The following TRMT1L variants were observed in gnomAD, a reference collection of about 807,000 sequenced individuals.
The protein encoded by TRMT1L is tRNA methyltransferase 1L, also known as tRNA (guanine(27)-N(2))-dimethyltransferase.
In TRMT1L, 28 loss-of-function variants were observed where a neutral mutation model predicts 81.6. That is an observed-to-expected ratio of 0.34 (90% CI 0.25 to 0.47). The LOEUF (loss-of-function observed/expected upper bound fraction) is 0.47. TRMT1L is among the 20% of genes least tolerant of loss of function. TRMT1L has a pLI of 1.00. For missense variants in TRMT1L, 739 were observed against 877.1 expected, an observed-to-expected ratio of 0.84 and a Z score of 1.99; for synonymous variants, 301 against 303.2, an observed-to-expected ratio of 0.99 and a Z score of 0.07.
At chr1:185,151,101 A>T (rs1358686930) in intron 2 of TRMT1L, among the ~76,000 whole-genome samples, 4 of 152,234 alleles carry the variant, frequency 2.6e-5, no homozygotes, top group African/African-American at 9.6e-5. Context: ...TATCATAAAA[A>T]TGTCTTATTT....
Position 185,120,032 on chromosome 1 carries a change from C to T in TRMT1L, c.2189G>A (p.Cys730Tyr). The change falls in exon 15 of 15, where the codon TGC becomes TAC. Residue 730 changes from cysteine to tyrosine, a missense_variant. Transcript: ENST00000367506. ...TCTTCTCTACGTTTACCATCTTCTG[C>T]AGCCACTTGCTTCTGCTTTGTCATT... ...SVNDKAEASG[C>Y]RRW 1 of 1,613,532 alleles carries T rather than the reference C, an allele frequency of 6.2e-7. No individual in the cohort carries two copies. Among genetic ancestry groups the T allele is most frequent in the Non-Finnish European group, 8.5e-7 (1 of 1,179,674 alleles).
Position 185,156,496 on chromosome 1 carries a change from G to A in TRMT1L, c.217C>T (p.Pro73Ser). The change falls in exon 1 of 15, where the codon CCT becomes TCT. Residue 73 changes from proline to serine, a missense_variant. Physicochemically the swap from Pro to Ser is moderately conservative, Grantham distance 74. Around this residue, in one of 4 missense-constraint regions of TRMT1L, gnomAD observed 209 missense variants for 165.4 expected, o/e 1.26. Coordinates refer to ENST00000367506, the MANE Select transcript of TRMT1L (RefSeq NM_030934.5). ...CACTTACTGCTTTTAGCCTCCTCAG[G>A]GGCAGAGGCTAGGGACGGGGACAGG... is the stretch of plus-strand genomic sequence containing the variant. ...PALSPSLASAPEEAKSKRHIS... is the reference protein window; with the variant it reads ...PALSPSLASASEEAKSKRHIS... 2.5e-6 allele frequency: 4 copies of A among 1,613,948 alleles called. No individual in the cohort carries two copies. The highest frequency in any genetic ancestry group is 3.4e-6 in the Non-Finnish European group (4 of 1,179,908).
chr1:185,146,427 T>C (rs979065797), intron 4 of TRMT1L, among the ~76,000 whole-genome samples: 16 of 152,064 alleles, frequency 1.1e-4, no homozygotes, highest in African/African-American at 2.9e-4. Flanking sequence ...TCCTTTTTAC[T>C]TGGACCCTTA....
In TRMT1L at chr1:185,140,139, G is replaced by A. The variant is rs754954468; in HGVS notation, c.943C>T (p.Leu315=). The change falls in exon 8 of 15, where the codon CTG becomes TTG. Residue 315 remains leucine, a synonymous_variant. Coordinates refer to ENST00000367506, the MANE Select transcript of TRMT1L (RefSeq NM_030934.5). ...INDLNENSVT[L]IQENCHLNKL... ...TTTAAATGGCAGTTTTCCTGAATCA[G>A]TGTCACAGAATTTTCATTCAAGTCA... is the stretch of plus-strand genomic sequence containing the variant. 1 of 1,613,732 alleles carries A rather than the reference G, an allele frequency of 6.2e-7. No homozygotes were observed.
chr1:185,156,839 T>C lies in TRMT1L; in HGVS notation c.-127A>G. 1 of 1,303,028 alleles carries C rather than the reference T, an allele frequency of 7.7e-7. No individual in the cohort carries two copies. The highest frequency in any genetic ancestry group is 1.5e-5 in the African/African-American group (1 of 65,766). 80.7% of individuals were successfully genotyped at this position (1,303,028 alleles called of 1,614,324 possible). ...GGGGAAGCAAGTGGGGAGGGCGGGATGCGTGCAACAGACAAAAGATGAAGA... is the reference window on the plus strand; with the variant it reads ...GGGGAAGCAAGTGGGGAGGGCGGGACGCGTGCAACAGACAAAAGATGAAGA... On this transcript the variant is annotated 5_prime_UTR_variant, in exon 1 of 15. Coordinates refer to ENST00000367506, the MANE Select transcript of TRMT1L (RefSeq NM_030934.5).
In TRMT1L at chr1:185,147,253, TAAAG is replaced by T. The variant is rs763919563; in HGVS notation, c.461-11_461-8del. The stretch of plus-strand genomic sequence containing the variant: ...CAGATGCACATCCTGTAACCTAAAA[TAAAG>T]AATGGCTGGTTATCATACATTGTTC... On this transcript the variant is annotated splice_region_variant and splice_polypyrimidine_tract_variant and intron_variant, in intron 3 of 14. Transcript: ENST00000367506. The T allele has an allele frequency of 6.3e-7, 1 of 1,599,250 alleles. No individual in the cohort carries two copies. The highest frequency in any genetic ancestry group is 1.7e-5 in the Admixed American group (1 of 59,108).
At chr1:185,141,431 C>T (rs1250661158) in intron 7 of TRMT1L, among the ~76,000 whole-genome samples, 2 of 152,012 alleles carry the variant, frequency 1.3e-5, no homozygotes, top group African/African-American at 2.4e-5. Flanking sequence ...AGGCTGGGCG[C>T]GGTGGCTCAC....
chr1:185,128,551 T>C, intron 11 of TRMT1L, 118 bp downstream of exon 11: 1 of 911,532 alleles, frequency 1.1e-6, no homozygotes, highest in South Asian at 1.4e-5. Context: ...TCATAATTAT[T>C]TGCCTAGACT....
At chr1:185,144,863 G>T (rs577020068) in intron 5 of TRMT1L, among the ~76,000 whole-genome samples, 2 of 151,674 alleles carry the variant, frequency 1.3e-5, no homozygotes, top group South Asian at 4.1e-4. Flanking sequence ...CTCAACTTAG[G>T]CTCTGTGAGA....
chr1:185,123,284 A>G (rs1214000567), intron 13 of TRMT1L, among the ~76,000 whole-genome samples: 2 of 152,216 alleles, frequency 1.3e-5, no homozygotes, highest in Admixed American at 1.3e-4. Flanking sequence ...TCTGTACTCA[A>G]AAAACACATC....
intron 13 of TRMT1L, among the ~76,000 whole-genome samples, chr1:185,123,148 A>C (rs1423395210): frequency 6.6e-6 from 1 of 152,236 alleles, no homozygotes; most frequent in South Asian, 2.1e-4. Flanking sequence ...TATACTATTA[A>C]AAGAAATTTA....
chr1:185,125,427 A>G (rs1652600758), intron 11 of TRMT1L, among the ~76,000 whole-genome samples: 1 of 152,014 alleles, frequency 6.6e-6, no homozygotes. Flanking sequence ...TTGGCTTCCC[A>G]AAGTGCTGGA....
intron 5 of TRMT1L, among the ~76,000 whole-genome samples, chr1:185,145,110 T>C (rs1003296124): frequency 1.3e-5 from 2 of 151,946 alleles, no homozygotes; most frequent in African/African-American, 2.4e-5. Context: ...TATCTTTTTT[T>C]CTAGTGTTTT....
intron 7 of TRMT1L, 32 bp from the exon 8 acceptor site, chr1:185,140,254 TA>T (rs1557989359): frequency 6.7e-7 from 1 of 1,491,976 alleles, no homozygotes; most frequent in East Asian, 2.4e-5. Flanking sequence ...ATGAGTTTTA[TA>T]ATTGTAATAA....
At chr1:185,141,430 G>A (rs1295457103) in intron 7 of TRMT1L, among the ~76,000 whole-genome samples, 4 of 152,138 alleles carry the variant, frequency 2.6e-5, no homozygotes, top group African/African-American at 4.8e-5. Flanking sequence ...GAGGCTGGGC[G>A]CGGTGGCTCA....
chr1:185,119,840 A>C lies in TRMT1L; in HGVS notation c.*179T>G, dbSNP rs1173174248. 1.4e-6 allele frequency: 1 copy of C among 713,336 alleles called. No individual in the cohort carries two copies. Among genetic ancestry groups the C allele is most frequent in the Non-Finnish European group, 2.1e-6 (1 of 476,714 alleles). 44.2% of individuals were successfully genotyped at this position (713,336 alleles called of 1,614,324 possible). A position where few individuals can be genotyped will look rare whatever the true frequency, so the allele number is the denominator to read the frequency against. The stretch of plus-strand genomic sequence containing the variant: ...TAAGTTTGCCTTAAAACAAAAAAAA[A>C]CTTGGAAAGCAAAGCTCCCAAACCA... On this transcript the variant is annotated 3_prime_UTR_variant, in exon 15 of 15. Coordinates refer to ENST00000367506, the MANE Select transcript of TRMT1L (RefSeq NM_030934.5).
At chr1:185,125,582 G>A (rs1652603941) in intron 11 of TRMT1L, among the ~76,000 whole-genome samples, 1 of 152,192 alleles carries the variant, frequency 6.6e-6, no homozygotes, top group Non-Finnish European at 1.5e-5. Context: ...GCTGGGAAGG[G>A]GAGAAGGGAG....
chr1:185,145,672 A>G (rs756011692), intron 4 of TRMT1L, 104 bp from the exon 5 acceptor site: 225 of 1,113,366 alleles, frequency 2.0e-4, no homozygotes, highest in Non-Finnish European at 2.6e-4. Flanking sequence ...AATGGTATAG[A>G]AGATAATTTT....
intron 1 of TRMT1L, among the ~76,000 whole-genome samples, chr1:185,154,998 T>A (rs1409964691): frequency 6.6e-6 from 1 of 152,212 alleles, no homozygotes; most frequent in Non-Finnish European, 1.5e-5. Context: ...TTATGACTGA[T>A]TTCAAAGGAC....
Sources: gnomAD v4.1 joint callset for allele counts (sites outside exome capture counted in the v4.1 genomes callset) on GRCh38, gnomAD v4.1.1 for gene constraint, gnomAD v4.1.1 regional missense constraint, MANE v1.5 for transcripts, NCBI Gene and HGNC (gene_info 2026-07-23, HGNC 2026-07-21) for gene names.